Variants in MDM2 observed in about 807,000 individuals in gnomAD.
MDM2 encodes E3 ubiquitin-protein ligase Mdm2.
Under a neutral mutation model 64.3 loss-of-function variants are expected in MDM2, and 11 were observed. The ratio of observed to expected loss-of-function variants is 0.17; its 90% CI spans 0.11 to 0.28. The LOEUF (loss-of-function observed/expected upper bound fraction) is 0.28. MDM2 is among the 10% of genes least tolerant of loss of function. MDM2 has a pLI of 1.00. For synonymous variants in MDM2, 194 were observed against 192.9 expected, an observed-to-expected ratio of 1.01 and a Z score of -0.05; for missense variants, 388 against 577.1, an observed-to-expected ratio of 0.67 and a Z score of 3.36.
At chr12:68,822,729 T>C (rs762796150) in intron 5 of MDM2, among the ~76,000 whole-genome samples, 2 of 146,600 alleles carry the variant, frequency 1.4e-5, no homozygotes, top group Non-Finnish European at 3.0e-5. Context: ...TCCTATTCCA[T>C]GTTCTCAACT....
chr12:68,828,666 G>C (rs1882540117), intron 7 of MDM2, 105 bp from the exon 8 acceptor site: 2 of 895,548 alleles, frequency 2.2e-6, no homozygotes. Flanking sequence ...GTTAACTTTT[G>C]AACTAATTTT....
chr12:68,815,942 A>G (rs1881333923), intron 3 of MDM2, among the ~76,000 whole-genome samples: 1 of 152,192 alleles, frequency 6.6e-6, no homozygotes, highest in Admixed American at 6.5e-5. Context: ...AACTTTTATT[A>G]ATGGTTCAAA....
chr12:68,819,430 G>A (rs956230788), intron 4 of MDM2, among the ~76,000 whole-genome samples: 2 of 152,140 alleles, frequency 1.3e-5, no homozygotes, highest in Admixed American at 6.5e-5. Context: ...TGACTGGTAC[G>A]TGGTAGGTTT....
chr12:68,838,896 G>GTTACATATTGACCT (rs3730651), intron 10 of MDM2, among the ~76,000 whole-genome samples: 5,090 of 152,176 alleles, frequency 0.033, 302 homozygotes, highest in African/African-American at 0.12. Flanking sequence ...AGGAGAGACT[G>GTTACATATTGACCT]TTACATATTG....
At chr12:68,817,616 G>A (rs764216609) in intron 4 of MDM2, among the ~76,000 whole-genome samples, 5 of 151,874 alleles carry the variant, frequency 3.3e-5, no homozygotes, top group African/African-American at 4.8e-5. Flanking sequence ...GGGTGTGGTG[G>A]TGCATGCCTG....
At chr12:68,816,624 T>C (rs774123658) in intron 3 of MDM2, among the ~76,000 whole-genome samples, 188 bp from the exon 4 acceptor site, 5 of 152,200 alleles carry the variant, frequency 3.3e-5, no homozygotes, top group African/African-American at 4.8e-5. Flanking sequence ...CCCGAAGTAC[T>C]GGGATTACAG....
chr12:68,836,180 C>T (rs1019500745), intron 9 of MDM2, among the ~76,000 whole-genome samples, 196 bp downstream of exon 9: 2 of 152,052 alleles, frequency 1.3e-5, no homozygotes, highest in African/African-American at 4.8e-5. Flanking sequence ...TATTATATTA[C>T]TACTAATTGC....
Position 68,842,056 on chromosome 12 carries a change from A to G in MDM2, c.*2207A>G. Reference sequence around the variant, plus strand: ...ACTTTAAAAGAAGTGCAATTCTCAAAAGGTTAGGTGGACTAAAGCATTCTG... The same window carrying G: ...ACTTTAAAAGAAGTGCAATTCTCAAGAGGTTAGGTGGACTAAAGCATTCTG... On this transcript the variant is annotated 3_prime_UTR_variant, in exon 11 of 11. Coordinates refer to ENST00000258149, the MANE Select transcript of MDM2 (RefSeq NM_002392.6). The G allele has an allele frequency of 2.5e-6, 1 of 404,602 alleles. No homozygotes were observed. Among genetic ancestry groups the G allele is most frequent in the Non-Finnish European group, 4.8e-6 (1 of 210,028 alleles). 25.1% of individuals were successfully genotyped at this position (404,602 alleles called of 1,614,324 possible). A position where few individuals can be genotyped will look rare whatever the true frequency, so the allele number is the denominator to read the frequency against.
intron 8 of MDM2, among the ~76,000 whole-genome samples, chr12:68,833,502 C>G (rs1029771003): frequency 2.7e-5 from 4 of 148,604 alleles, no homozygotes; most frequent in African/African-American, 9.9e-5. Context: ...CGAACATTAG[C>G]CAAAACTTTA....
chr12:68,831,897 C>G (rs947510826), intron 8 of MDM2, among the ~76,000 whole-genome samples: 1 of 152,166 alleles, frequency 6.6e-6, no homozygotes, highest in East Asian at 1.9e-4. Context: ...TTGTGAAAAC[C>G]CATCTCTACT....
intron 4 of MDM2, among the ~76,000 whole-genome samples, chr12:68,819,771 G>T (rs771740174): frequency 2.1e-4 from 32 of 152,242 alleles, no homozygotes; most frequent in Non-Finnish European, 4.3e-4. Flanking sequence ...GATTACAGGT[G>T]TCTGTGAGCC....
intron 8 of MDM2, among the ~76,000 whole-genome samples, chr12:68,834,139 C>G (rs969710970): frequency 6.6e-6 from 1 of 152,066 alleles, no homozygotes; most frequent in African/African-American, 2.4e-5. Context: ...GTAGCTACAG[C>G]CTTTAGAAGT....
chr12:68,824,936 G>A (rs976246803), intron 7 of MDM2, among the ~76,000 whole-genome samples: 1 of 151,902 alleles, frequency 6.6e-6, no homozygotes, highest in East Asian at 1.9e-4. Context: ...GGTGGCTCAC[G>A]CCTGGCTCAC....
chr12:68,832,139 T>TA (rs1170332026), intron 8 of MDM2, among the ~76,000 whole-genome samples: 1 of 151,560 alleles, frequency 6.6e-6, no homozygotes, highest in African/African-American at 2.4e-5. Flanking sequence ...GTAGGGCCAG[T>TA]TTTTTTTTCT....
chr12:68,850,584 GTT>G, the MDM2 span: 1 of 152,188 alleles, frequency 6.6e-6, no homozygotes, highest in Non-Finnish European at 1.5e-5. Context: ...GGTTAGGACT[GTT>G]AGTTTTCCAG....
chr12:68,844,462 C>T lies in MDM2; in HGVS notation c.*4613C>T, dbSNP rs953367202. The T allele has an allele frequency of 1.3e-5, 3 of 228,142 alleles. No individual in the cohort carries two copies. Among genetic ancestry groups the T allele is most frequent in the African/African-American group, 2.2e-5 (1 of 45,054 alleles). The allele number at this position is 228,142 out of a possible 1,614,324, so 14.1% of individuals were successfully genotyped here. Reference sequence around the variant, plus strand: ...CTCTTAGGTCACATGGCAGCCTGGCCTAAGTGATCGTGAATGGTCTATAAG... The same window carrying T: ...CTCTTAGGTCACATGGCAGCCTGGCTTAAGTGATCGTGAATGGTCTATAAG... On this transcript the variant is annotated 3_prime_UTR_variant, in exon 11 of 11. Transcript: ENST00000258149.
chr12:68,835,788 A>C, intron 8 of MDM2, 41 bp from the exon 9 acceptor site: 1 of 1,580,558 alleles, frequency 6.3e-7, no homozygotes, highest in African/African-American at 1.3e-5. Context: ...AGAGGTCAAG[A>C]GGTGATGTTT....
At chr12:68,825,575 C>G (rs931721429) in intron 7 of MDM2, among the ~76,000 whole-genome samples, 4 of 152,256 alleles carry the variant, frequency 2.6e-5, no homozygotes, top group African/African-American at 9.6e-5. Context: ...ATGGCATGAA[C>G]TGGGGAGGCA....
chr12:68,828,963 C>CT lies in MDM2; in HGVS notation c.684+34dup, dbSNP rs746815619. 1.9e-6 allele frequency: 3 copies of CT among 1,607,896 alleles called. No homozygotes were observed. The African/African-American group carries it at 4.0e-5, about 22-fold the overall frequency. The stretch of plus-strand genomic sequence containing the variant: ...TTCTCATTTTAAGTAAGGCAAGACT[C>CT]TTACTGTTCAAAGTCTAGTCCTGGC... On this transcript the variant is annotated intron_variant, in intron 8 of 10. Transcript: ENST00000258149.
Sources: allele counts gnomAD v4.1 joint callset (sites outside exome capture counted in the v4.1 genomes callset), GRCh38; gene constraint gnomAD v4.1.1; transcripts MANE v1.5; gene names NCBI Gene and HGNC (gene_info 2026-07-23, HGNC 2026-07-21).